Variants in TMTC2 observed in about 807,000 individuals in gnomAD.
TMTC2 encodes transmembrane O-mannosyltransferase targeting cadherins 2.
TMTC2 carries 43 observed loss-of-function variants against 82.4 expected under a neutral mutation model. That is an observed-to-expected ratio of 0.52 (90% CI 0.41 to 0.67). The LOEUF is 0.67. TMTC2 is among the 30% of genes least tolerant of loss of function. TMTC2 has a pLI of 0.00. For synonymous variants in TMTC2, 408 were observed against 381.9 expected, an observed-to-expected ratio of 1.07 and a Z score of -0.80; for missense variants, 919 against 1,012.4, an observed-to-expected ratio of 0.91 and a Z score of 1.25.
intron 1 of TMTC2, among the ~76,000 whole-genome samples, chr12:82,850,047 T>C (rs1282147723): frequency 6.6e-6 from 1 of 152,030 alleles, no homozygotes; most frequent in African/African-American, 2.4e-5. Context: ...ATACAGTACA[T>C]TAACCTTTCA....
chr12:83,011,555 G>T (rs989656685), intron 8 of TMTC2, among the ~76,000 whole-genome samples: 1 of 152,078 alleles, frequency 6.6e-6, no homozygotes, highest in Non-Finnish European at 1.5e-5. Flanking sequence ...GACCATAACT[G>T]TACTCGTTCA....
chr12:82,832,457 A>G (rs993919524), intron 1 of TMTC2, among the ~76,000 whole-genome samples: 4 of 152,072 alleles, frequency 2.6e-5, no homozygotes, highest in Non-Finnish European at 5.9e-5. Flanking sequence ...ACTATTGTAC[A>G]CTGTTTCATC....
chr12:82,742,323 A>G (rs1003639660), intron 1 of TMTC2, among the ~76,000 whole-genome samples: 43 of 149,112 alleles, frequency 2.9e-4, no homozygotes, highest in African/African-American at 1.1e-3. Context: ...CTAAGCTAAG[A>G]GACCCAAATG....
At chr12:82,821,450 T>C (rs943642399) in intron 1 of TMTC2, among the ~76,000 whole-genome samples, 2 of 152,200 alleles carry the variant, frequency 1.3e-5, no homozygotes, top group South Asian at 2.1e-4. Flanking sequence ...CAGTCTTCTA[T>C]TTCTCATATG....
At chr12:83,041,129 A>G (rs1464139094) in intron 9 of TMTC2, among the ~76,000 whole-genome samples, 3 of 152,224 alleles carry the variant, frequency 2.0e-5, no homozygotes, top group African/African-American at 7.2e-5. Context: ...TAACTAGGTC[A>G]TGCTTTGCTA....
chr12:83,004,248 A>T (rs567542835), intron 8 of TMTC2, among the ~76,000 whole-genome samples: 4 of 152,216 alleles, frequency 2.6e-5, no homozygotes, highest in African/African-American at 9.6e-5. Context: ...TCTTTCTTAA[A>T]ATGGCTATTG....
intron 1 of TMTC2, among the ~76,000 whole-genome samples, chr12:82,781,078 A>G (rs1165143398): frequency 1.3e-5 from 2 of 152,036 alleles, no homozygotes; most frequent in Non-Finnish European, 2.9e-5. Flanking sequence ...CATTGCTGGT[A>G]TAATAAAATC....
At chr12:82,832,073 C>A (rs1869780161) in intron 1 of TMTC2, among the ~76,000 whole-genome samples, 1 of 152,072 alleles carries the variant, frequency 6.6e-6, no homozygotes. Context: ...AATAGCCAAC[C>A]ATTACCATTT....
chr12:83,013,810 G>T (rs1880559509), intron 8 of TMTC2, among the ~76,000 whole-genome samples: 1 of 152,226 alleles, frequency 6.6e-6, no homozygotes, highest in African/African-American at 2.4e-5. Context: ...GCCCTGCTGA[G>T]TATTTCAACC....
At position 82,918,037 on chromosome 12, in the gene TMTC2, G is replaced by A. The variant is rs116639512; in HGVS notation, c.1484-12394G>A. On this transcript the variant is annotated intron_variant, in intron 3 of 11. Coordinates refer to ENST00000321196, the MANE Select transcript of TMTC2 (RefSeq NM_152588.3). ...CTCAGCCTTGACCTCCTAGGCTCTA[G>A]CGATTCCCTCACCCCAGCCTACAGC... Among the ~76,000 whole-genome samples the A allele has an allele frequency of 1.3e-3, 196 of 152,218 alleles. 2 individuals are homozygous for A. The highest frequency in any genetic ancestry group is 4.0e-3 in the African/African-American group (168 of 41,542).
intron 7 of TMTC2, among the ~76,000 whole-genome samples, chr12:82,978,033 C>G (rs1190880170): frequency 6.6e-6 from 1 of 151,612 alleles, no homozygotes; most frequent in East Asian, 1.9e-4. Flanking sequence ...AAAAATTTGC[C>G]AGTGGCTATC....
intron 8 of TMTC2, among the ~76,000 whole-genome samples, chr12:83,008,972 G>A (rs1396861202): frequency 1.3e-5 from 2 of 152,190 alleles, no homozygotes; most frequent in South Asian, 2.1e-4. Context: ...TGGTGGTGAA[G>A]TATGAGGGAG....
At chr12:82,940,358 A>G (rs1353189331) in intron 4 of TMTC2, among the ~76,000 whole-genome samples, 3 of 152,098 alleles carry the variant, frequency 2.0e-5, no homozygotes, top group Non-Finnish European at 2.9e-5. Flanking sequence ...TTCAAGATTT[A>G]TTAAAATTTT....
chr12:82,691,905 G>A (rs892269642), intron 1 of TMTC2, among the ~76,000 whole-genome samples: 40 of 152,254 alleles, frequency 2.6e-4, no homozygotes, highest in African/African-American at 3.9e-4. Flanking sequence ...TTACTCTTCA[G>A]TTTCCTTCCC....
At chr12:83,045,746 C>CAT (rs1882091639) in intron 9 of TMTC2, among the ~76,000 whole-genome samples, 1 of 150,662 alleles carries the variant, frequency 6.6e-6, no homozygotes. Flanking sequence ...CACACACACA[C>CAT]ACACACCAGG....
intron 2 of TMTC2, among the ~76,000 whole-genome samples, chr12:82,873,575 G>C (rs1872327264): frequency 1.3e-5 from 2 of 152,006 alleles, no homozygotes; most frequent in Admixed American, 1.3e-4. Context: ...CTGTGTGTTT[G>C]GTACATGCAG....
intron 2 of TMTC2, among the ~76,000 whole-genome samples, chr12:82,866,401 TA>T (rs1274787341): frequency 6.6e-6 from 1 of 152,230 alleles, no homozygotes. Flanking sequence ...AAACATTTTT[TA>T]AAGGGTCCTT....
At chr12:82,882,344 A>T (rs1872876647) in intron 2 of TMTC2, among the ~76,000 whole-genome samples, 1 of 152,174 alleles carries the variant, frequency 6.6e-6, no homozygotes, top group Admixed American at 6.5e-5. Context: ...TGATATCAGT[A>T]CTTTACCCCT....
chr12:83,047,722 C>T (rs931649479), intron 9 of TMTC2, among the ~76,000 whole-genome samples: 1 of 152,168 alleles, frequency 6.6e-6, no homozygotes, highest in African/African-American at 2.4e-5. Context: ...ATTTACCCTA[C>T]TAAAAATTAT....
Sources: gnomAD v4.1 joint callset for allele counts (sites outside exome capture counted in the v4.1 genomes callset) on GRCh38, gnomAD v4.1.1 for gene constraint, MANE v1.5 for transcripts, NCBI Gene and HGNC (gene_info 2026-07-23, HGNC 2026-07-21) for gene names.